The following PCDHA6 variants were observed in gnomAD, a reference collection of about 807,000 sequenced individuals.
PCDHA6 encodes the protein protocadherin alpha-6.
In PCDHA6, 55 loss-of-function variants were observed where a neutral mutation model predicts 60.3. The ratio of observed to expected loss-of-function variants is 0.91; its 90% CI spans 0.73 to 1.14. PCDHA6 has a LOEUF of 1.14. Ranked by LOEUF, PCDHA6 falls within the 50% of genes most tolerant of loss-of-function variation. The pLI, the probability that PCDHA6 is intolerant of heterozygous loss-of-function variation, is 0.00. For missense variants in PCDHA6, 1,327 were observed against 1,256.5 expected (o/e 1.06, Z -0.85); for synonymous variants, 652 against 557.9 (o/e 1.17, Z -2.38).
intron 3 of PCDHA6, among the ~76,000 whole-genome samples, chr5:141,005,701 CAAAA>C (rs59860837): frequency 2.6e-4 from 2 of 7,790 alleles, no homozygotes; most frequent in African/African-American, 4.7e-4. Flanking sequence ...AACTCCGTCT[CAAAA>C]AAAAAAAAAA....
In PCDHA6 at chr5:140,967,673, C is replaced by T. The variant is rs1563368144; in HGVS notation, c.2395-11276C>T. On this transcript the variant is annotated intron_variant, in intron 1 of 3. Transcript: ENST00000529310. ...CTCCTTGAGCAGCTACACGTCGGAC[C>T]GGGAGAGGCAGCTCTTCAGCATAGA... The T allele has an allele frequency of 2.5e-6, 4 of 1,614,130 alleles. No homozygotes were observed. In the East Asian group the frequency reaches 6.7e-5, roughly 27 times the overall value.
chr5:141,000,468 C>T (rs2097940295), intron 3 of PCDHA6, among the ~76,000 whole-genome samples: 1 of 107,380 alleles, frequency 9.3e-6, no homozygotes, highest in Non-Finnish European at 1.8e-5. Context: ...GCTCTTGTTG[C>T]CCAAGCTGGA....
At chr5:140,875,979 C>T in intron 1 of PCDHA6, 5 of 1,613,984 alleles carry the variant, frequency 3.1e-6, no homozygotes, top group Non-Finnish European at 4.2e-6. Context: ...CTCTTTTGAC[C>T]TATGCGTTAA....
chr5:140,887,561 CT>C (rs2061497104), intron 1 of PCDHA6, among the ~76,000 whole-genome samples: 1 of 151,690 alleles, frequency 6.6e-6, no homozygotes, highest in Non-Finnish European at 1.5e-5. Context: ...ACTGTTAAAA[CT>C]TTTCTTTTTA....
chr5:140,856,660 T>C, intron 1 of PCDHA6: 1 of 1,597,974 alleles, frequency 6.3e-7, no homozygotes, highest in Non-Finnish European at 8.6e-7. Flanking sequence ...GTGAAGAAAA[T>C]CCTCAGCTAA....
chr5:140,941,527 G>A (rs1324655767), intron 1 of PCDHA6, among the ~76,000 whole-genome samples: 1 of 151,580 alleles, frequency 6.6e-6, no homozygotes, highest in African/African-American at 2.4e-5. Flanking sequence ...ATCTTGACCA[G>A]GCTGGTCTTG....
Position 141,010,117 on chromosome 5 carries a change from T to C in PCDHA6, c.*180T>C. Reference sequence around the variant, plus strand: ...TTTAACAGGTTTTGTCGTAAAAGCTTTACTAAGTCTGGTGTTAACTCTTTC... The same window carrying C: ...TTTAACAGGTTTTGTCGTAAAAGCTCTACTAAGTCTGGTGTTAACTCTTTC... On this transcript the variant is annotated 3_prime_UTR_variant, in exon 4 of 4. Transcript: ENST00000529310. 1 of 1,608,612 alleles carries C rather than the reference T, an allele frequency of 6.2e-7. No individual in the cohort carries two copies. The highest frequency in any genetic ancestry group is 8.5e-7 in the Non-Finnish European group (1 of 1,177,044).
At chr5:140,883,202 G>T in intron 1 of PCDHA6, 1 of 1,613,916 alleles carries the variant, frequency 6.2e-7, no homozygotes, top group Non-Finnish European at 8.5e-7. Context: ...AGATTTCGAA[G>T]AAAAGAAATT....
chr5:140,926,405 T>C (rs1554203436), intron 1 of PCDHA6: 1 of 152,454 alleles, frequency 6.6e-6, no homozygotes, highest in Non-Finnish European at 1.5e-5. Context: ...TTATCAGCAA[T>C]CTGCGGGCAG....
chr5:140,921,741 A>G (rs1437643098), intron 1 of PCDHA6, among the ~76,000 whole-genome samples: 1 of 152,202 alleles, frequency 6.6e-6, no homozygotes, highest in Non-Finnish European at 1.5e-5. Context: ...AATTATAAGC[A>G]TAACAGGACA....
Position 140,828,655 on chromosome 5 carries a change from C to A in PCDHA6, c.564C>A (p.Asp188Glu), listed in dbSNP as rs1769872389. Residue 188 changes from aspartate (D) to glutamate (E), a missense_variant, in exon 1 of 4, where the codon GAC becomes GAA. Coordinates refer to ENST00000529310, the MANE Select transcript of PCDHA6 (RefSeq NM_018909.4). ...FGLDVKINSDDNKQIGLLLKK... is the reference protein window; with the variant it reads ...FGLDVKINSDENKQIGLLLKK... ...TAGATGTGAAAATAAACAGTGATGA[C>A]AATAAACAAATTGGGCTCTTATTAA... 6.2e-7 allele frequency: 1 copy of A among 1,614,110 alleles called. No homozygotes were observed. The highest frequency in any genetic ancestry group is 8.5e-7 in the Non-Finnish European group (1 of 1,180,008).
chr5:140,941,462 C>T (rs1323217881), intron 1 of PCDHA6, among the ~76,000 whole-genome samples: 1 of 150,980 alleles, frequency 6.6e-6, no homozygotes, highest in Non-Finnish European at 1.5e-5. Context: ...ATTACAGGCG[C>T]CCACCACCAC....
chr5:140,927,011 C>T, intron 1 of PCDHA6: 1 of 1,612,606 alleles, frequency 6.2e-7, no homozygotes, highest in Non-Finnish European at 8.5e-7. Context: ...GGCAATCTCT[C>T]CGCGGACTTG....
chr5:140,900,768 T>A (rs1554189412), intron 1 of PCDHA6, among the ~76,000 whole-genome samples: 2 of 152,192 alleles, frequency 1.3e-5, no homozygotes, highest in Non-Finnish European at 1.5e-5. Context: ...TATTTTTGGC[T>A]TTTTGAGGAA....
intron 1 of PCDHA6, among the ~76,000 whole-genome samples, chr5:140,881,731 T>C (rs1457530470): frequency 6.6e-6 from 1 of 152,224 alleles, no homozygotes; most frequent in Non-Finnish European, 1.5e-5. Flanking sequence ...TGAAAAATAT[T>C]ACAGGAAGAG....
At chr5:140,841,733 CA>C in intron 1 of PCDHA6, 1 of 1,613,850 alleles carries the variant, frequency 6.2e-7, no homozygotes, top group Non-Finnish European at 8.5e-7. Flanking sequence ...GGTAAAAGAC[CA>C]AAAGCTGTTT....
rs185767188 is a variant in PCDHA6 at position 140,858,268 on chromosome 5, T to C, written c.2394+27783T>C. On this transcript the variant is annotated intron_variant, in intron 1 of 3. Transcript: ENST00000529310. ...CGGTGAAGCCCACGCTGGTGTGCTC[T>C]AGCGCGGTGGGGAGCTGGTCTTACT... The C allele has an allele frequency of 2.5e-3, 4,023 of 1,597,108 alleles. 314 individuals carry two copies. Among genetic ancestry groups the C allele is most frequent in the Middle Eastern group, 0.01 (61 of 5,954 alleles).
intron 1 of PCDHA6, chr5:140,967,283 C>T: frequency 6.2e-7 from 1 of 1,613,158 alleles, no homozygotes; most frequent in Non-Finnish European, 8.5e-7. Context: ...AGAGAGTGCG[C>T]AGGACCCCGA....
intron 1 of PCDHA6, chr5:140,927,303 G>T: frequency 6.2e-7 from 1 of 1,614,150 alleles, no homozygotes. Flanking sequence ...CCGAGTTCCT[G>T]ACGCCCGGAG....
Sources: allele counts gnomAD v4.1 joint callset (sites outside exome capture counted in the v4.1 genomes callset), GRCh38; gene constraint gnomAD v4.1.1; transcripts MANE v1.5; gene names NCBI Gene and HGNC (gene_info 2026-07-23, HGNC 2026-07-21).